Variants in JHY observed in about 807,000 individuals in gnomAD.
JHY encodes junctional cadherin complex regulator, also known as jhy protein homolog.
JHY carries 69 observed loss-of-function variants against 78.0 expected under a neutral mutation model. The observed-to-expected ratio is 0.88, with a 90% confidence interval of 0.73 to 1.08. JHY has a LOEUF of 1.08. JHY is among the 50% of genes least tolerant of loss of function. The probability of loss-of-function intolerance (pLI) is 0.00; values close to 1 mark genes in which losing one functional copy is unlikely to be tolerated. For missense variants in JHY, 944 were observed against 927.8 expected, an observed-to-expected ratio of 1.02 and a Z score of -0.23; for synonymous variants, 368 against 342.6, an observed-to-expected ratio of 1.07 and a Z score of -0.82.
rs755894726 is a variant in JHY, at chr11:122,935,001, T to C, written c.1560T>C (p.His520=). ...AGTTTGTTTATCACATAAATACTCA[T>C]GGATCAACCAAAAATAAGAAACAAC... ...GSQFVYHINT[H]GSTKNKKQLK... The change falls in exon 5 of 9, where the codon CAT becomes CAC. Residue 520 remains histidine (H), a synonymous_variant. Transcript: ENST00000227349. The surrounding 1 kb of genome is among the most constrained non-coding windows in gnomAD (Gnocchi z 4.5). 4.0e-5 allele frequency: 65 copies of C among 1,611,468 alleles called. No individual in the cohort carries two copies. Among genetic ancestry groups the C allele is most frequent in the East Asian group, 6.7e-5 (3 of 44,884 alleles).
intron 4 of JHY, among the ~76,000 whole-genome samples, chr11:122,928,407 T>A (rs1285508548): frequency 6.6e-6 from 1 of 152,084 alleles, no homozygotes; most frequent in Non-Finnish European, 1.5e-5. Flanking sequence ...CTTTCAGAGT[T>A]TCATAAACCT....
intron 2 of JHY, among the ~76,000 whole-genome samples, chr11:122,897,364 C>T (rs1458816758): frequency 6.6e-6 from 1 of 152,144 alleles, no homozygotes; most frequent in Non-Finnish European, 1.5e-5. Flanking sequence ...GCTGGGACTA[C>T]AGGCACATGC....
intron 5 of JHY, among the ~76,000 whole-genome samples, chr11:122,938,986 C>CTTTTTT (rs61703024): frequency 7.5e-6 from 1 of 133,880 alleles, no homozygotes. Context: ...CCTGCTTCTT[C>CTTTTTT]TTTTTTTTTT....
At chr11:122,957,179 C>T (rs1284203398) in intron 7 of JHY, among the ~76,000 whole-genome samples, 184 bp from the exon 8 acceptor site, 1 of 149,884 alleles carries the variant, frequency 6.7e-6, no homozygotes, top group Non-Finnish European at 1.5e-5. Flanking sequence ...CACAGAGAGA[C>T]TATTTCAAGG....
chr11:122,890,739 T>C (rs1862597033), intron 2 of JHY, among the ~76,000 whole-genome samples: 1 of 152,160 alleles, frequency 6.6e-6, no homozygotes, highest in Admixed American at 6.5e-5. Context: ...AGATCCTTGG[T>C]TTTCTCATTC....
chr11:122,911,905 CAAAAAAAAAAAAAAAAAAA>C (rs59941995), intron 3 of JHY, among the ~76,000 whole-genome samples: 14 of 49,722 alleles, frequency 2.8e-4, no homozygotes, highest in South Asian at 3.0e-3. Flanking sequence ...AACTCTGTCT[CAAAAAAAAAAAAAAAAAAA>C]AAAAAAAAAA....
At chr11:122,959,108 T>C in intron 8 of JHY, 140 bp from the exon 9 acceptor site, 1 of 1,375,704 alleles carries the variant, frequency 7.3e-7, no homozygotes, top group South Asian at 1.5e-5. Flanking sequence ...TTGCATTGTT[T>C]GATCTCCATT....
rs1201498178 is a variant in JHY, at chr11:122,934,771, C to T, written c.1330C>T (p.Pro444Ser). 6.2e-7 allele frequency: 1 copy of T among 1,614,158 alleles called. No individual in the cohort carries two copies. Among genetic ancestry groups the T allele is most frequent in the South Asian group, 1.1e-5 (1 of 91,066 alleles). The change falls in exon 5 of 9, where the codon CCA (proline) becomes TCA (serine). Residue 444 changes from proline to serine, a missense_variant. By Grantham distance (74) the Pro-to-Ser change is moderately conservative. Transcript: ENST00000227349. ...NLKETSNTFA[P>S]PKQAFDKVLS... ...CAAAGAAACCTCCAATACATTTGCT[C>T]CACCAAAACAGGCTTTTGACAAGGT...
At chr11:122,893,426 G>T (rs538465021) in intron 2 of JHY, among the ~76,000 whole-genome samples, 1 of 152,308 alleles carries the variant, frequency 6.6e-6, no homozygotes, top group African/African-American at 2.4e-5. Flanking sequence ...AAGCCATAGT[G>T]ACTCCTGAGG....
chr11:122,911,645 C>G (rs1408290905), intron 3 of JHY, among the ~76,000 whole-genome samples: 4 of 151,774 alleles, frequency 2.6e-5, no homozygotes, highest in Non-Finnish European at 5.9e-5. Context: ...GTGGCTCACT[C>G]CTATAACCCT....
At chr11:122,944,370 G>T (rs144049867) in intron 5 of JHY, among the ~76,000 whole-genome samples, 75 of 151,824 alleles carry the variant, frequency 4.9e-4, no homozygotes, top group African/African-American at 1.8e-3. Context: ...TCCTTCTACT[G>T]ATTTGCAAAT....
chr11:122,904,768 T>C (rs1201789386), intron 3 of JHY, among the ~76,000 whole-genome samples: 2 of 152,238 alleles, frequency 1.3e-5, no homozygotes, highest in Admixed American at 6.5e-5. Flanking sequence ...TCCGAAATTC[T>C]CCATTCAAAG....
At chr11:122,934,150 T>C (rs1377641910) in intron 4 of JHY, among the ~76,000 whole-genome samples, 2 of 152,042 alleles carry the variant, frequency 1.3e-5, no homozygotes, top group African/African-American at 4.8e-5. Context: ...TGCTTTCAGT[T>C]CTATGGTCAC....
intron 2 of JHY, among the ~76,000 whole-genome samples, chr11:122,901,408 T>C (rs929558054): frequency 1.3e-5 from 2 of 152,144 alleles, no homozygotes; most frequent in Admixed American, 1.3e-4. Context: ...AAAATATTTC[T>C]TCATTAATAA....
chr11:122,891,774 G>C (rs938627218), intron 2 of JHY, among the ~76,000 whole-genome samples: 2 of 152,110 alleles, frequency 1.3e-5, no homozygotes, highest in Admixed American at 1.3e-4. Flanking sequence ...TCTGAGAGCT[G>C]TATAGGTATA....
rs557751556 is a variant in JHY, at chr11:122,961,735, T to C, written c.*2290T>C. Among the ~76,000 whole-genome samples, 32 of 152,166 alleles carry C rather than the reference T, an allele frequency of 2.1e-4. No individual in the cohort carries two copies. Among genetic ancestry groups the C allele is most frequent in the Non-Finnish European group, 4.0e-4 (27 of 68,038 alleles). On this transcript the variant is annotated 3_prime_UTR_variant, in exon 9 of 9. Transcript: ENST00000227349. ...AAGATTACCAGGTTATAGTTTAAAT[T>C]TGTAATTAATTCTACCATCTTGCAA...
In JHY at chr11:122,960,867, G is replaced by A. The variant is rs577037755; in HGVS notation, c.*1422G>A. The A allele has an allele frequency of 7.7e-5, 52 of 676,000 alleles. No individual in the cohort carries two copies. In the African/African-American group the frequency reaches 8.0e-4, roughly 10 times the overall value. 41.9% of individuals were successfully genotyped at this position (676,000 alleles called of 1,614,324 possible). A position where few individuals can be genotyped will look rare whatever the true frequency, so the allele number is the denominator to read the frequency against. On this transcript the variant is annotated 3_prime_UTR_variant, in exon 9 of 9. Coordinates refer to ENST00000227349, the MANE Select transcript of JHY (RefSeq NM_024806.4). ...GAGGAATAACATTGCTATGGCTGTG[G>A]AGGTTACTTACTGGGAATGACTGCA... is the stretch of plus-strand genomic sequence containing the variant.
At chr11:122,933,422 C>T (rs1863676739) in intron 4 of JHY, among the ~76,000 whole-genome samples, 2 of 152,142 alleles carry the variant, frequency 1.3e-5, no homozygotes, top group Admixed American at 6.5e-5. Context: ...GCTAGTTTTC[C>T]ACGAAGTAAT....
Position 122,896,847 on chromosome 11 carries a change from G to GGTTT in JHY, c.345-7057_345-7054dup, listed in dbSNP as rs112894471. Among the ~76,000 whole-genome samples the GGTTT allele has an allele frequency of 7.7e-3, 1,178 of 152,058 alleles. 10 individuals carry two copies. Among genetic ancestry groups the GGTTT allele is most frequent in the Middle Eastern group, 0.017 (5 of 294 alleles). On this transcript the variant is annotated intron_variant, in intron 2 of 8. Coordinates refer to ENST00000227349, the MANE Select transcript of JHY (RefSeq NM_024806.4). Reference sequence around the variant, plus strand: ...GGGACACAGTTCTATGCATTTAGATGGTTTGTTTGTTTGTTTGTTTGTTTT... The same window carrying GGTTT: ...GGGACACAGTTCTATGCATTTAGATGGTTTGTTTGTTTGTTTGTTTGTTTGTTTT...
Sources: allele counts gnomAD v4.1 joint callset (sites outside exome capture counted in the v4.1 genomes callset), GRCh38; gene constraint gnomAD v4.1.1; non-coding constraint Gnocchi (gnomAD v3.1); transcripts MANE v1.5; gene names NCBI Gene and HGNC (gene_info 2026-07-23, HGNC 2026-07-21).